CUL4A: variants seen among roughly 807,000 people sequenced by gnomAD.
The protein encoded by CUL4A is cullin-4A.
A neutral mutation model predicts 95.5 loss-of-function variants in CUL4A; 16 were observed. The observed-to-expected ratio is 0.17, with a 90% CI of 0.11 to 0.25. The LOEUF (loss-of-function observed/expected upper bound fraction) is 0.25. Ranked by LOEUF, CUL4A falls within the 10% of genes least tolerant of loss-of-function variation. The probability of loss-of-function intolerance (pLI) is 1.00; values close to 1 mark genes in which losing one functional copy is unlikely to be tolerated. For missense variants in CUL4A, 610 were observed against 937.0 expected, an observed-to-expected ratio of 0.65 and a Z score of 4.56; for synonymous variants, 380 against 353.1, an observed-to-expected ratio of 1.08 and a Z score of -0.85.
At chr13:113,212,152 G>T (rs763213745) in intron 2 of CUL4A, among the ~76,000 whole-genome samples, 7 of 152,204 alleles carry the variant, frequency 4.6e-5, no homozygotes, top group Non-Finnish European at 1.0e-4. Context: ...TATTGGGTTG[G>T]TTATTTTCTT....
chr13:113,235,229 CTT>C, intron 8 of CUL4A, 84 bp downstream of exon 8: 1 of 918,066 alleles, frequency 1.1e-6, no homozygotes. Context: ...TAAAGGGTGT[CTT>C]TGTCAATTCA....
Position 113,243,175 on chromosome 13 carries a change from G to A in CUL4A, c.1228+15G>A. 1 of 1,569,672 alleles carries A rather than the reference G, an allele frequency of 6.4e-7. No homozygotes were observed. Among genetic ancestry groups the A allele is most frequent in the Non-Finnish European group, 8.7e-7 (1 of 1,150,430 alleles). The stretch of plus-strand genomic sequence containing the variant: ...AGAACTGATCGGTAGAAAAATATTT[G>A]TTTTTTTTGTTTGTTTGTTTTTGAG... On this transcript the variant is annotated intron_variant, in intron 11 of 19. Transcript: ENST00000375440.
At chr13:113,228,861 C>T (rs2041204384) in intron 4 of CUL4A, among the ~76,000 whole-genome samples, 1 of 152,152 alleles carries the variant, frequency 6.6e-6, no homozygotes, top group Admixed American at 6.5e-5. Flanking sequence ...TGGCTCACGC[C>T]TGTAATCCCA....
At chr13:113,218,237 CA>C (rs34265141) in intron 2 of CUL4A, among the ~76,000 whole-genome samples, 13 of 144,716 alleles carry the variant, frequency 9.0e-5, no homozygotes, top group South Asian at 2.1e-4. Context: ...GACTCCAACT[CA>C]AAAAAAAAAG....
At chr13:113,224,272 G>A (rs1398154934) in intron 3 of CUL4A, among the ~76,000 whole-genome samples, 1 of 151,940 alleles carries the variant, frequency 6.6e-6, no homozygotes, top group Non-Finnish European at 1.5e-5. Context: ...AGAATGGCAT[G>A]AACCCGGGAG....
intron 3 of CUL4A, among the ~76,000 whole-genome samples, chr13:113,226,798 A>T (rs1217625836): frequency 1.3e-5 from 2 of 152,128 alleles, no homozygotes; most frequent in Non-Finnish European, 2.9e-5. Flanking sequence ...ACTGAGGAGG[A>T]TTACTTAAGA....
At chr13:113,235,221 A>G in intron 8 of CUL4A, 76 bp downstream of exon 8, 1 of 1,006,882 alleles carries the variant, frequency 9.9e-7, no homozygotes, top group Admixed American at 2.0e-5. Context: ...TATTGAAATA[A>G]AGGGTGTCTT....
chr13:113,214,576 C>A (rs142182934), intron 2 of CUL4A, among the ~76,000 whole-genome samples: 3 of 152,194 alleles, frequency 2.0e-5, no homozygotes, highest in Non-Finnish European at 2.9e-5. Flanking sequence ...TCCTTGGGAA[C>A]TCCTGGACTC....
intron 13 of CUL4A, 23 bp from the exon 14 acceptor site, chr13:113,245,125 TCTCA>T (rs1595408013): frequency 1.9e-6 from 3 of 1,613,420 alleles, no homozygotes; most frequent in East Asian, 2.2e-5. Context: ...GTTACCCCGA[TCTCA>T]CTCCCTCCTT....
At position 113,254,752 on chromosome 13, in the gene CUL4A, G is replaced by A. The variant is rs1393032230; in HGVS notation, c.1812G>A (p.Glu604=). The change falls in exon 17 of 20, where the codon GAG becomes GAA. Residue 604 remains glutamate, a synonymous_variant. Coordinates refer to ENST00000375440, the MANE Select transcript of CUL4A (RefSeq NM_001008895.4). ...FQTLVLLMFN[E]GDGFSFEEIK... ...CACTGGTGCTCCTCATGTTCAACGA[G>A]GGAGATGGCTTCAGCTTTGAGGAGA... is the stretch of plus-strand genomic sequence containing the variant. The A allele has an allele frequency of 4.3e-6, 7 of 1,613,474 alleles. No individual in the cohort carries two copies. Among genetic ancestry groups the A allele is most frequent in the Non-Finnish European group, 5.9e-6 (7 of 1,179,920 alleles).
intron 2 of CUL4A, among the ~76,000 whole-genome samples, chr13:113,212,671 G>C (rs1388918628): frequency 6.6e-6 from 1 of 152,196 alleles, no homozygotes. Context: ...TGTAATCCCA[G>C]CTACTTGGGA....
At chr13:113,248,634 G>C (rs1297136729) in intron 15 of CUL4A, among the ~76,000 whole-genome samples, 1 of 152,064 alleles carries the variant, frequency 6.6e-6, no homozygotes, top group Non-Finnish European at 1.5e-5. Flanking sequence ...CGGGCTGTTG[G>C]TTCCAGGACT....
intron 19 of CUL4A, among the ~76,000 whole-genome samples, chr13:113,261,834 G>A (rs1376694732): frequency 1.3e-5 from 2 of 152,126 alleles, no homozygotes; most frequent in African/African-American, 4.8e-5. Flanking sequence ...AGGATGGAGT[G>A]CAGTGGCACG....
intron 16 of CUL4A, 93 bp from the exon 17 acceptor site, chr13:113,254,600 A>G (rs759335641): frequency 6.7e-6 from 6 of 896,640 alleles, no homozygotes; most frequent in Non-Finnish European, 1.0e-5. Flanking sequence ...TTCTCAAAAA[A>G]AAAAAAGTTT....
chr13:113,249,008 C>T (rs1195805365), intron 15 of CUL4A, among the ~76,000 whole-genome samples: 1 of 152,150 alleles, frequency 6.6e-6, no homozygotes, highest in Non-Finnish European at 1.5e-5. Context: ...GAGCTGTCAC[C>T]CCTGTCGATT....
rs186288200 is a variant in CUL4A, at chr13:113,214,717, C to T, written c.265-4228C>T. On this transcript the variant is annotated intron_variant, in intron 2 of 19. Transcript: ENST00000375440. ...AGTCACGGAGTAGTTGTCTTCATGA[C>T]ATGTTGATACCAGGTGATAATGGTC... Among the ~76,000 whole-genome samples, 5 of 152,264 alleles carry T rather than the reference C, an allele frequency of 3.3e-5. No individual in the cohort carries two copies. In the East Asian group the frequency reaches 7.7e-4, roughly 24 times the overall value.
At chr13:113,260,844 A>G (rs1595437901) in intron 19 of CUL4A, 85 bp downstream of exon 19, 1 of 1,046,080 alleles carries the variant, frequency 9.6e-7, no homozygotes. Context: ...CAGTCATATC[A>G]TTTGACCTGC....
chr13:113,221,089 A>G (rs1401926201), intron 3 of CUL4A, among the ~76,000 whole-genome samples: 4 of 143,664 alleles, frequency 2.8e-5, no homozygotes, highest in African/African-American at 9.7e-5. Context: ...GATGGGGAGG[A>G]TGCGCCCTCC....
At chr13:113,263,396 A>G in intron 19 of CUL4A, 91 bp from the exon 20 acceptor site, 1 of 490,974 alleles carries the variant, frequency 2.0e-6, no homozygotes, top group East Asian at 3.4e-5. Flanking sequence ...CTATAAGTAT[A>G]GTTACATACT....
Sources: gnomAD v4.1 joint callset for allele counts (sites outside exome capture counted in the v4.1 genomes callset) on GRCh38, gnomAD v4.1.1 for gene constraint, MANE v1.5 for transcripts, NCBI Gene and HGNC (gene_info 2026-07-23, HGNC 2026-07-21) for gene names.